The following KBTBD11 variants were observed in gnomAD, a reference collection of about 807,000 sequenced individuals.
KBTBD11 encodes the protein kelch repeat and BTB domain containing 11.
For missense variants in KBTBD11, 1,390 were observed against 1,001.8 expected (o/e 1.39, Z -5.23); for synonymous variants, 747 against 499.0 (o/e 1.50, Z -6.63).
At chr8:1,998,927 C>G (rs537673140) in intron 1 of KBTBD11, among the ~76,000 whole-genome samples, 22 of 152,322 alleles carry the variant, frequency 1.4e-4, no homozygotes, top group African/African-American at 4.6e-4. Context: ...CACCACTGGA[C>G]AGCAGGATGG....
chr8:1,988,326 G>A (rs1321409444), intron 1 of KBTBD11, among the ~76,000 whole-genome samples: 1 of 152,162 alleles, frequency 6.6e-6, no homozygotes, highest in Non-Finnish European at 1.5e-5. Context: ...CACAATGGTT[G>A]AACTAGTTTA....
intron 1 of KBTBD11, among the ~76,000 whole-genome samples, chr8:1,989,210 C>T (rs1816818193): frequency 6.6e-6 from 1 of 152,174 alleles, no homozygotes; most frequent in Non-Finnish European, 1.5e-5. Context: ...GCAGATGCTT[C>T]CTATTTCAAC....
At chr8:1,986,498 C>G (rs1306861294) in intron 1 of KBTBD11, among the ~76,000 whole-genome samples, 1 of 152,146 alleles carries the variant, frequency 6.6e-6, no homozygotes, top group East Asian at 1.9e-4. Flanking sequence ...TTGGACAAGT[C>G]TCTCTTTTAT....
rs750316910 is a variant in KBTBD11 at position 2,001,772 on chromosome 8, G to C, written c.580G>C (p.Gly194Arg). 1.6e-6 allele frequency: 2 copies of C among 1,283,428 alleles called. No individual in the cohort carries two copies. The highest frequency in any genetic ancestry group is 3.1e-5 in the African/African-American group (2 of 64,050). The allele number at this position is 1,283,428 out of a possible 1,614,324, so 79.5% of individuals were successfully genotyped here. The change falls in exon 2 of 2, where the codon GGG (glycine) becomes CGG (arginine). Residue 194 changes from glycine to arginine, a missense_variant. Coordinates refer to ENST00000320248, the MANE Select transcript of KBTBD11 (RefSeq NM_014867.3). ...LRLLLADAYS[G>R]RMAGVRPDNV... ...GCTGCTCCTCGCCGACGCCTACAGC[G>C]GGCGCATGGCGGGCGTGCGGCCCGA...
chr8:1,989,299 T>TGAATGAGTAC (rs1816822273), intron 1 of KBTBD11, among the ~76,000 whole-genome samples: 1 of 152,240 alleles, frequency 6.6e-6, no homozygotes. Context: ...AAGGCTCTTT[T>TGAATGAGTAC]GAATGAGTAC....
chr8:2,001,225 C>A lies in KBTBD11; in HGVS notation c.33C>A (p.Tyr11Ter). 6.8e-7 allele frequency: 1 copy of A among 1,463,900 alleles called. No individual in the cohort carries two copies. The allele number at this position is 1,463,900 out of a possible 1,614,324, so 90.7% of individuals were successfully genotyped here. Residue 11 changes from tyrosine to a stop codon, truncating the protein, a stop_gained, in exon 2 of 2, where the codon TAC becomes TAA. Transcript: ENST00000320248. LOFTEE classifies it low-confidence loss of function (END_TRUNC). MEHAVAPCVL[Y>*]PGTEPGAAGE... ...ACGCGGTGGCCCCCTGCGTCCTCTA[C>A]CCAGGGACTGAGCCCGGGGCTGCCG...
chr8:1,987,347 T>C (rs1351409521), intron 1 of KBTBD11, among the ~76,000 whole-genome samples: 1 of 152,230 alleles, frequency 6.6e-6, no homozygotes, highest in Non-Finnish European at 1.5e-5. Flanking sequence ...ATTTGAACAG[T>C]GTTAGCGTGA....
chr8:1,991,658 A>G (rs928394830), intron 1 of KBTBD11, among the ~76,000 whole-genome samples: 27 of 151,996 alleles, frequency 1.8e-4, no homozygotes, highest in Non-Finnish European at 3.2e-4. Context: ...CTTGTGGGCA[A>G]TGAGCTGTGA....
In KBTBD11 at chr8:2,002,047, G is replaced by T; in HGVS notation, c.855G>T (p.Leu285=). The T allele has an allele frequency of 8.2e-7, 1 of 1,224,252 alleles. No individual in the cohort carries two copies. 75.8% of individuals were successfully genotyped at this position (1,224,252 alleles called of 1,614,324 possible). A position where few individuals can be genotyped will look rare whatever the true frequency, so the allele number is the denominator to read the frequency against. Residue 285 remains leucine (L), a synonymous_variant, in exon 2 of 2, where the codon CTG becomes CTT. Coordinates refer to ENST00000320248, the MANE Select transcript of KBTBD11 (RefSeq NM_014867.3). This position sits in a 1 kb window ranked among gnomAD's most constrained non-coding sequence, Gnocchi z 4.1. ...CGGGCGCAGAGCGGGACCTGCTGCT[G>T]CGCCGCCGCCTGCGCGCCGGCCGCG... is the stretch of plus-strand genomic sequence containing the variant. ...RLSGAERDLL[L]RRRLRAGRAH...
intron 1 of KBTBD11, chr8:1,974,418 G>A (rs968827857): frequency 2.0e-6 from 2 of 984,632 alleles, no homozygotes; most frequent in African/African-American, 3.5e-5. Context: ...CAGGGCGGGG[G>A]CTCCTCCCGG....
intron 1 of KBTBD11, among the ~76,000 whole-genome samples, chr8:1,975,673 G>C (rs1190163649): frequency 2.6e-5 from 4 of 152,174 alleles, no homozygotes; most frequent in Non-Finnish European, 5.9e-5. Flanking sequence ...AGCCAGCATT[G>C]GGCTTGGGAG....
chr8:1,978,820 C>T (rs1302817722), intron 1 of KBTBD11, among the ~76,000 whole-genome samples: 6 of 129,992 alleles, frequency 4.6e-5, no homozygotes, highest in East Asian at 4.8e-4. Context: ...CTACGGCGAT[C>T]CCCAAGTCTC....
At position 2,005,417 on chromosome 8, in the gene KBTBD11, T is replaced by G. The variant is rs1356639779; in HGVS notation, c.*2353T>G. The G allele has an allele frequency of 1.2e-5, 2 of 167,088 alleles. No homozygotes were observed. Among genetic ancestry groups the G allele is most frequent in the Non-Finnish European group, 2.9e-5 (2 of 68,154 alleles). 10.4% of individuals were successfully genotyped at this position (167,088 alleles called of 1,614,324 possible). On this transcript the variant is annotated 3_prime_UTR_variant, in exon 2 of 2. Coordinates refer to ENST00000320248, the MANE Select transcript of KBTBD11 (RefSeq NM_014867.3). Reference sequence around the variant, plus strand: ...GACCTGCCACGCCATGAGCAGTGTTTTTGCTTTTTGGGGGCCAGTCCCTGG... The same window carrying G: ...GACCTGCCACGCCATGAGCAGTGTTGTTGCTTTTTGGGGGCCAGTCCCTGG...
intron 1 of KBTBD11, among the ~76,000 whole-genome samples, chr8:1,977,314 C>A (rs892254022): frequency 6.6e-6 from 1 of 152,094 alleles, no homozygotes; most frequent in Non-Finnish European, 1.5e-5. Flanking sequence ...TGAAAAACCA[C>A]GGTGCCGATG....
intron 1 of KBTBD11, among the ~76,000 whole-genome samples, chr8:1,987,171 CCT>C (rs911042097): frequency 6.6e-6 from 1 of 152,178 alleles, no homozygotes; most frequent in Non-Finnish European, 1.5e-5. Context: ...GCCTGTCCTT[CCT>C]CTCTCTGTTT....
intron 1 of KBTBD11, among the ~76,000 whole-genome samples, chr8:1,992,283 G>A (rs1311062145): frequency 1.3e-5 from 2 of 152,090 alleles, no homozygotes; most frequent in Non-Finnish European, 2.9e-5. Flanking sequence ...AGACTGTGTG[G>A]TAACTGATGT....
rs1325406064 is a variant in KBTBD11, at chr8:2,005,331, T to G, written c.*2267T>G. ...TGTCCGGCCAACCTATTGTGGAAAT[T>G]TATAGAATAGTATACACCACAGTTC... On this transcript the variant is annotated 3_prime_UTR_variant, in exon 2 of 2. Coordinates refer to ENST00000320248, the MANE Select transcript of KBTBD11 (RefSeq NM_014867.3). 1 of 167,120 alleles carries G rather than the reference T, an allele frequency of 6.0e-6. No individual in the cohort carries two copies. Among genetic ancestry groups the G allele is most frequent in the Non-Finnish European group, 1.5e-5 (1 of 68,126 alleles). The allele number at this position is 167,120 out of a possible 1,614,324, so 10.4% of individuals were successfully genotyped here.
In KBTBD11 at chr8:2,002,012, G is replaced by T. The variant is rs777716848; in HGVS notation, c.820G>T (p.Gly274Cys). The T allele has an allele frequency of 7.1e-7, 1 of 1,414,880 alleles. No individual in the cohort carries two copies. The highest frequency in any genetic ancestry group is 2.2e-5 in the Admixed American group (1 of 46,024). The allele number at this position is 1,414,880 out of a possible 1,614,324, so 87.6% of individuals were successfully genotyped here. ...LEVLREPAVFGRLSGAERDLL... is the reference protein window; with the variant it reads ...LEVLREPAVFCRLSGAERDLL... ...GGTGCTGCGCGAGCCCGCCGTGTTC[G>T]GCCGCCTGTCGGGCGCAGAGCGGGA... Residue 274 changes from glycine (G) to cysteine (C), a missense_variant, in exon 2 of 2, where the codon GGC (glycine) becomes TGC (cysteine). Coordinates refer to ENST00000320248, the MANE Select transcript of KBTBD11 (RefSeq NM_014867.3). The surrounding 1 kb of genome is among the most constrained non-coding windows in gnomAD (Gnocchi z 4.1).
intron 1 of KBTBD11, chr8:1,976,490 C>T (rs1018739803): frequency 2.0e-5 from 3 of 152,132 alleles, no homozygotes; most frequent in East Asian, 1.9e-4. Context: ...CGTTGCATGT[C>T]TTATGTGCAT....
Sources: allele counts gnomAD v4.1 joint callset (sites outside exome capture counted in the v4.1 genomes callset), GRCh38; gene constraint gnomAD v4.1.1; non-coding constraint Gnocchi (gnomAD v3.1); transcripts MANE v1.5; gene names NCBI Gene and HGNC (gene_info 2026-07-23, HGNC 2026-07-21).